The following ERCC5 variants were observed in gnomAD, a reference collection of about 807,000 sequenced individuals.
ERCC5 encodes DNA excision repair protein ERCC-5.
ERCC5 carries 68 observed loss-of-function variants against 105.6 expected under a neutral mutation model. That is an observed-to-expected ratio of 0.64 (90% CI 0.53 to 0.79). The LOEUF (loss-of-function observed/expected upper bound fraction) is 0.79, where lower values mean the gene tolerates loss of function less well. Among genes scored for constraint, ERCC5 ranks in the 30% least tolerant of loss-of-function variants. The pLI is 0.00. For missense variants in ERCC5, 1,373 were observed against 1,426.7 expected (o/e 0.96, Z 0.61); for synonymous variants, 546 against 526.2 (o/e 1.04, Z -0.51).
At position 102,866,413 on chromosome 13, in the gene ERCC5, A is replaced by C. The variant is rs201243704; in HGVS notation, c.2319+32A>C. ...GCAGGCAGCTTGGGTTTCCTTTACC[A>C]CCTTCTTCAGACCCCTGGGGGAATG... On this transcript the variant is annotated intron_variant, in intron 10 of 14. Transcript: ENST00000652225. 4.6e-5 allele frequency: 75 copies of C among 1,613,870 alleles called. No individual in the cohort carries two copies. The Admixed American group carries it at 8.2e-4, about 18-fold the overall frequency.
At position 102,875,491 on chromosome 13, in the gene ERCC5, A is replaced by C. The variant is rs1360404614; in HGVS notation, c.3149A>C (p.Lys1050Thr). 2 of 1,614,192 alleles carry C rather than the reference A, an allele frequency of 1.2e-6. No homozygotes were observed. Among genetic ancestry groups the C allele is most frequent in the Non-Finnish European group, 1.7e-6 (2 of 1,180,020 alleles). Residue 1050 changes from lysine (K) to threonine (T), a missense_variant, in exon 15 of 15, where the codon AAG becomes ACG. By Grantham distance (78) the Lys-to-Thr change is moderately conservative. Around this residue, in one of 3 missense-constraint regions of ERCC5, gnomAD observed 367 missense variants for 350.2 expected, o/e 1.05. Coordinates refer to ENST00000652225, the MANE Select transcript of ERCC5 (RefSeq NM_000123.4). ...GAGAAAGAATTTGAGCTACTTGATAAGGCAAAAGGAAAAACCCAGAAGAGA... is the reference window on the plus strand; with the variant it reads ...GAGAAAGAATTTGAGCTACTTGATACGGCAAAAGGAAAAACCCAGAAGAGA... Reference protein sequence around the residue: ...AMEKEFELLDKAKGKTQKRGI... With the variant: ...AMEKEFELLDTAKGKTQKRGI...
chr13:102,852,244 C>G lies in ERCC5; in HGVS notation c.215C>G (p.Pro72Arg). 6.2e-7 allele frequency: 1 copy of G among 1,614,020 alleles called. No homozygotes were observed. Among genetic ancestry groups the G allele is most frequent in the Non-Finnish European group, 8.5e-7 (1 of 1,179,992 alleles). Reference protein sequence around the residue: ...LCKLLFFRIRPIFVFDGDAPL... With the variant: ...LCKLLFFRIRRIFVFDGDAPL... Reference sequence around the variant, plus strand: ...AAACTCTTATTTTTTCGAATTCGTCCTATTTTTGTGTTTGATGGGGATGCT... The same window carrying G: ...AAACTCTTATTTTTTCGAATTCGTCGTATTTTTGTGTTTGATGGGGATGCT... Residue 72 changes from proline (P) to arginine (R), a missense_variant, in exon 2 of 15, where the codon CCT (proline) becomes CGT (arginine). Coordinates refer to ENST00000652225, the MANE Select transcript of ERCC5 (RefSeq NM_000123.4).
In ERCC5 at chr13:102,862,861, C is replaced by T. The variant is rs759628522; in HGVS notation, c.1712C>T (p.Pro571Leu). Residue 571 changes from proline to leucine, a missense_variant, in exon 8 of 15, where the codon CCG becomes CTG. By Grantham distance (98) the Pro-to-Leu change is moderately conservative. Around this residue, in one of 3 missense-constraint regions of ERCC5, gnomAD observed 1,004 missense variants for 1,059.7 expected, o/e 0.95. Coordinates refer to ENST00000652225, the MANE Select transcript of ERCC5 (RefSeq NM_000123.4). ...LSSDDETKCK[P>L]NSASEVIGPV... is the part of the protein sequence containing the mutation. Reference sequence around the variant, plus strand: ...AGTGATGATGAAACAAAATGTAAACCGAATTCTGCTTCTGAAGTCATTGGC... The same window carrying T: ...AGTGATGATGAAACAAAATGTAAACTGAATTCTGCTTCTGAAGTCATTGGC... The T allele has an allele frequency of 4.5e-5, 73 of 1,614,004 alleles. No individual in the cohort carries two copies. The highest frequency in any genetic ancestry group is 4.5e-4 in the East Asian group (20 of 44,892).
rs2140531963 is a variant in ERCC5, at chr13:102,866,300, G to A, written c.2238G>A (p.Gln746=). Residue 746 remains glutamine (Q), a synonymous_variant, in exon 10 of 15, where the codon CAG becomes CAA. Transcript: ENST00000652225. The part of the protein sequence containing the change: ...LETLESNLLA[Q]QNSLKAQKQQ... ...CTCTGGAGAGCAACCTCTTAGCACA[G>A]CAGAATTCACTGAAAGCTCAAAAAC... 1 of 1,614,220 alleles carries A rather than the reference G, an allele frequency of 6.2e-7. No individual in the cohort carries two copies. Among genetic ancestry groups the A allele is most frequent in the South Asian group, 1.1e-5 (1 of 91,090 alleles).
chr13:102,869,605 A>G (rs1347451319), intron 12 of ERCC5, among the ~76,000 whole-genome samples: 1 of 152,204 alleles, frequency 6.6e-6, no homozygotes, highest in Non-Finnish European at 1.5e-5. Flanking sequence ...CAACGATGAT[A>G]TAGATTTATA....
Position 102,852,148 on chromosome 13 carries a change from A to C in ERCC5, c.119A>C (p.Lys40Thr). The part of the protein sequence containing the change: ...DISIWLNQAL[K>T]GVRDRHGNSI... ...AGCATTTGGTTAAACCAAGCACTTAAAGGAGTCCGGGATCGCCATGGGAAC... is the reference window on the plus strand; with the variant it reads ...AGCATTTGGTTAAACCAAGCACTTACAGGAGTCCGGGATCGCCATGGGAAC... Residue 40 changes from lysine (K) to threonine (T), a missense_variant, in exon 2 of 15, where the codon AAA becomes ACA. By Grantham distance (78) the Lys-to-Thr change is moderately conservative. Around this residue, in one of 3 missense-constraint regions of ERCC5, gnomAD observed 1,004 missense variants for 1,059.7 expected, o/e 0.95. Coordinates refer to ENST00000652225, the MANE Select transcript of ERCC5 (RefSeq NM_000123.4). 6.2e-7 allele frequency: 1 copy of C among 1,614,174 alleles called. No individual in the cohort carries two copies. The highest frequency in any genetic ancestry group is 8.5e-7 in the Non-Finnish European group (1 of 1,180,014).
At chr13:102,850,250 G>A (rs1882156050) in intron 1 of ERCC5, among the ~76,000 whole-genome samples, 1 of 152,240 alleles carries the variant, frequency 6.6e-6, no homozygotes, top group South Asian at 2.1e-4. Flanking sequence ...AAATAGGAAT[G>A]TATACAAGGA....
At chr13:102,874,552 C>G (rs1309821899) in intron 14 of ERCC5, among the ~76,000 whole-genome samples, 1 of 152,078 alleles carries the variant, frequency 6.6e-6, no homozygotes, top group Non-Finnish European at 1.5e-5. Context: ...GACGGAGTCT[C>G]ACTCTGTCTC....
At chr13:102,853,918 G>C (rs1354260579) in intron 3 of ERCC5, 46 bp downstream of exon 3, 10 of 1,570,600 alleles carry the variant, frequency 6.4e-6, no homozygotes, top group Non-Finnish European at 8.8e-6. Flanking sequence ...TTTTAAAAAA[G>C]TGATTTTTGT....
chr13:102,862,678 ATAGTGACGCACC>A lies in ERCC5; in HGVS notation c.1531_1542del (p.Ser511_Pro514del). On this transcript the variant is annotated inframe_deletion, in exon 8 of 15. Coordinates refer to ENST00000652225, the MANE Select transcript of ERCC5 (RefSeq NM_000123.4). The stretch of plus-strand genomic sequence containing the variant: ...CCTCTGGAGAGTGCAGTGGTTAGAC[ATAGTGACGCACC>A]TGGGCTCCCGAATGGAAGGGAACTG... 6.2e-7 allele frequency: 1 copy of A among 1,614,222 alleles called. No individual in the cohort carries two copies. Among genetic ancestry groups the A allele is most frequent in the African/African-American group, 1.3e-5 (1 of 75,072 alleles).
chr13:102,854,497 A>G (rs1882330790), intron 4 of ERCC5, 123 bp downstream of exon 4: 4 of 936,786 alleles, frequency 4.3e-6, no homozygotes, highest in South Asian at 2.8e-5. Flanking sequence ...TGAAATAGGC[A>G]TGCTCTATAC....
At chr13:102,863,204 T>G (rs1363656582) in intron 8 of ERCC5, 101 bp downstream of exon 8, 2 of 1,331,516 alleles carry the variant, frequency 1.5e-6, no homozygotes, top group Non-Finnish European at 2.1e-6. Flanking sequence ...TTTTTACAGA[T>G]AAGGAACGAG....
intron 12 of ERCC5, among the ~76,000 whole-genome samples, chr13:102,870,845 G>C (rs746678185): frequency 2.0e-5 from 3 of 152,220 alleles, no homozygotes; most frequent in African/African-American, 7.2e-5. Flanking sequence ...TGAAGCGGGG[G>C]AGCCTGAGCT....
At position 102,846,241 on chromosome 13, in the gene ERCC5, G is replaced by A; in HGVS notation, c.-26G>A. 6.2e-7 allele frequency: 1 copy of A among 1,600,976 alleles called. No individual in the cohort carries two copies. On this transcript the variant is annotated 5_prime_UTR_variant, in exon 1 of 15. Transcript: ENST00000652225. Reference sequence around the variant, plus strand: ...AAGAATTAGAGTAGAAGTTGTCGGGGTCCGCTCTTAGGACGCAGCCGCCTC... The same window carrying A: ...AAGAATTAGAGTAGAAGTTGTCGGGATCCGCTCTTAGGACGCAGCCGCCTC...
chr13:102,848,400 C>T (rs1361081126), intron 1 of ERCC5, among the ~76,000 whole-genome samples: 1 of 152,114 alleles, frequency 6.6e-6, no homozygotes, highest in Non-Finnish European at 1.5e-5. Flanking sequence ...ATCTATATAG[C>T]TTAGTGTCTT....
chr13:102,866,453 G>C, intron 10 of ERCC5, 72 bp downstream of exon 10: 1 of 1,613,090 alleles, frequency 6.2e-7, no homozygotes, highest in Non-Finnish European at 8.5e-7. Context: ...GCATGAAGGG[G>C]GTATGCACTG....
intron 7 of ERCC5, 105 bp from the exon 8 acceptor site, chr13:102,861,925 G>A (rs953332068): frequency 3.4e-6 from 5 of 1,489,348 alleles, no homozygotes; most frequent in South Asian, 2.3e-5. Flanking sequence ...AAATGAAAAT[G>A]TATATACTTA....
Position 102,872,174 on chromosome 13 carries a change from GTAAT to G in ERCC5, c.2679-22_2679-19del. 3 of 1,611,348 alleles carry G rather than the reference GTAAT, an allele frequency of 1.9e-6. No individual in the cohort carries two copies. Among genetic ancestry groups the G allele is most frequent in the Non-Finnish European group, 1.7e-6 (2 of 1,178,320 alleles). On this transcript the variant is annotated intron_variant, in intron 12 of 14. Coordinates refer to ENST00000652225, the MANE Select transcript of ERCC5 (RefSeq NM_000123.4). ...ACTATAATGTCTCATTGCTGTGTAA[GTAAT>G]TGTTTCCTTTATTTTACAGAGAATG...
chr13:102,875,936 G>T lies in ERCC5; in HGVS notation c.*33G>T. 2 of 1,596,174 alleles carry T rather than the reference G, an allele frequency of 1.3e-6. No individual in the cohort carries two copies. Among genetic ancestry groups the T allele is most frequent in the South Asian group, 1.1e-5 (1 of 90,464 alleles). On this transcript the variant is annotated 3_prime_UTR_variant, in exon 15 of 15. Transcript: ENST00000652225. The stretch of plus-strand genomic sequence containing the variant: ...ATATGTATCCTCTATAATTAGTTAT[G>T]ACAGCCATTTGTAATGAATTTGTCG...
Sources: allele counts gnomAD v4.1 joint callset (sites outside exome capture counted in the v4.1 genomes callset), GRCh38; gene constraint gnomAD v4.1.1; regional missense constraint gnomAD v4.1.1; transcripts MANE v1.5; gene names NCBI Gene and HGNC (gene_info 2026-07-23, HGNC 2026-07-21).